The following DAB1 variants were observed in gnomAD, a reference collection of about 807,000 sequenced individuals.
The protein encoded by DAB1 is disabled homolog 1.
In DAB1, 15 loss-of-function variants were observed where a neutral mutation model predicts 64.6. That is an observed-to-expected ratio of 0.23 (90% CI 0.16 to 0.36). DAB1 has a LOEUF of 0.36. Ranked by LOEUF, DAB1 falls within the 10% of genes least tolerant of loss-of-function variation. The pLI is 1.00. For missense variants in DAB1, 596 were observed against 706.7 expected (o/e 0.84, Z 1.78); for synonymous variants, 235 against 251.9 (o/e 0.93, Z 0.64).
At chr1:57,766,192 T>A (rs1283996902) in intron 6 of DAB1, among the ~76,000 whole-genome samples, 1 of 151,734 alleles carries the variant, frequency 6.6e-6, no homozygotes, top group East Asian at 1.9e-4. Flanking sequence ...TAGATTGTTA[T>A]AATAGTTACC....
At chr1:57,292,718 A>T (rs772612552) in intron 1 of DAB1, among the ~76,000 whole-genome samples, 47 of 152,062 alleles carry the variant, frequency 3.1e-4, no homozygotes, top group Non-Finnish European at 6.0e-4. Flanking sequence ...ATTCATGTTA[A>T]CAGACATTTA....
At chr1:58,328,079 C>T (rs1208059154) in intron 4 of DAB1, among the ~76,000 whole-genome samples, 1 of 152,194 alleles carries the variant, frequency 6.6e-6, no homozygotes, top group East Asian at 1.9e-4. Flanking sequence ...ATGCTTACTC[C>T]CGAGCACCCG....
chr1:58,144,876 G>T, intron 5 of DAB1, among the ~76,000 whole-genome samples: 1 of 152,166 alleles, frequency 6.6e-6, no homozygotes, highest in Admixed American at 6.5e-5. Context: ...TGCTATTCCA[G>T]TCTGTCTCCT....
chr1:57,120,373 T>C (rs1183551754), intron 4 of DAB1, among the ~76,000 whole-genome samples: 1 of 152,192 alleles, frequency 6.6e-6, no homozygotes, highest in African/African-American at 2.4e-5. Context: ...GTGAAACCAC[T>C]GCTCCTGCTT....
At chr1:57,553,420 A>AAG (rs1216159604) in intron 7 of DAB1, among the ~76,000 whole-genome samples, 23 of 15,190 alleles carry the variant, frequency 1.5e-3, no homozygotes, top group African/African-American at 2.0e-3. Flanking sequence ...GAAAGAAAGA[A>AAG]AGAAAGAAAG....
rs927700388 is a variant in DAB1 at position 58,218,137 on chromosome 1, C to T, written n.310-67549G>A. Reference sequence around the variant, plus strand: ...CTTGCCTTCTGGGTGAGCTGGTCTCCAGTCCAGTAGGGGGACAGAGAGAAA... The same window carrying T: ...CTTGCCTTCTGGGTGAGCTGGTCTCTAGTCCAGTAGGGGGACAGAGAGAAA... On this transcript the variant is annotated intron_variant and non_coding_transcript_variant, in intron 4 of 20. Coordinates refer to the DAB1 transcript ENST00000485760. Among the ~76,000 whole-genome samples, 38 of 152,106 alleles carry T rather than the reference C, an allele frequency of 2.5e-4. 1 individual carries two copies. Among genetic ancestry groups the T allele is most frequent in the Non-Finnish European group, 5.9e-5 (4 of 68,020 alleles).
intron 7 of DAB1, among the ~76,000 whole-genome samples, chr1:57,506,308 CTT>C (rs1179669458): frequency 2.6e-5 from 4 of 152,148 alleles, no homozygotes; most frequent in Non-Finnish European, 5.9e-5. Flanking sequence ...AAAAATGAAA[CTT>C]GGAGAAGAAA....
intron 5 of DAB1, among the ~76,000 whole-genome samples, chr1:58,064,697 G>A (rs60519318): frequency 9.9e-5 from 11 of 111,322 alleles, no homozygotes; most frequent in Non-Finnish European, 2.1e-4. Context: ...ATTTATTTAT[G>A]TATTTATTTA....
At chr1:58,056,858 G>T (rs1378913338) in intron 5 of DAB1, among the ~76,000 whole-genome samples, 1 of 151,976 alleles carries the variant, frequency 6.6e-6, no homozygotes, top group African/African-American at 2.4e-5. Context: ...GCTCAAGGTG[G>T]CTTCTTCACA....
intron 7 of DAB1, among the ~76,000 whole-genome samples, chr1:57,555,736 GA>G (rs1644981045): frequency 6.6e-6 from 1 of 152,142 alleles, no homozygotes; most frequent in African/African-American, 2.4e-5. Flanking sequence ...CCTACAACTT[GA>G]ATGTAGGATT....
chr1:58,534,412 CTTA>C, intron 1 of DAB1: 1 of 644,808 alleles, frequency 1.6e-6, no homozygotes, highest in Non-Finnish European at 2.7e-6. Flanking sequence ...TATATGGCTA[CTTA>C]TTATTGAACA....
chr1:58,523,639 C>T (rs1279849053), intron 2 of DAB1, among the ~76,000 whole-genome samples: 6 of 152,270 alleles, frequency 3.9e-5, no homozygotes, highest in Admixed American at 2.6e-4. Flanking sequence ...GTGGCTCACA[C>T]CTGTAATCCC....
intron 7 of DAB1, among the ~76,000 whole-genome samples, chr1:57,522,401 G>A (rs1051287665): frequency 8.5e-5 from 13 of 152,158 alleles, no homozygotes; most frequent in African/African-American, 2.9e-4. Flanking sequence ...AGAAATAGAA[G>A]AGTTAAGTGA....
intron 9 of DAB1, among the ~76,000 whole-genome samples, chr1:57,033,220 C>G (rs1647021370): frequency 6.6e-6 from 1 of 152,042 alleles, no homozygotes; most frequent in Non-Finnish European, 1.5e-5. Flanking sequence ...ACTATCTGAC[C>G]TCATGGCAGG....
chr1:57,778,456 C>G (rs1181062067), intron 6 of DAB1, among the ~76,000 whole-genome samples: 1 of 151,850 alleles, frequency 6.6e-6, no homozygotes, highest in African/African-American at 2.4e-5. Flanking sequence ...CTGTTGACTT[C>G]TTATCAAGGA....
chr1:58,040,356 C>T (rs1276875455), intron 5 of DAB1, among the ~76,000 whole-genome samples: 2 of 152,026 alleles, frequency 1.3e-5, no homozygotes, highest in African/African-American at 4.8e-5. Flanking sequence ...CTCTTGAAGC[C>T]CTGGTAACTT....
At chr1:58,300,865 C>T (rs1662155219) in intron 4 of DAB1, among the ~76,000 whole-genome samples, 1 of 152,068 alleles carries the variant, frequency 6.6e-6, no homozygotes. Flanking sequence ...TAAATCCCGC[C>T]CACATGCACT....
chr1:58,344,458 T>A (rs978808083), intron 3 of DAB1, among the ~76,000 whole-genome samples: 1 of 152,162 alleles, frequency 6.6e-6, no homozygotes, highest in Non-Finnish European at 1.5e-5. Flanking sequence ...GAGCTTCAGA[T>A]GAAACGAGGG....
At chr1:58,149,896 T>C (rs917491162) in intron 5 of DAB1, among the ~76,000 whole-genome samples, 1 of 152,174 alleles carries the variant, frequency 6.6e-6, no homozygotes, top group African/African-American at 2.4e-5. Flanking sequence ...AAAACTTCTT[T>C]TATAATGAAG....
Sources: allele counts gnomAD v4.1 joint callset (sites outside exome capture counted in the v4.1 genomes callset), GRCh38; gene constraint gnomAD v4.1.1; transcripts MANE v1.5; gene names NCBI Gene and HGNC (gene_info 2026-07-23, HGNC 2026-07-21).